The following FALEC variants were observed in gnomAD, a reference collection of about 807,000 sequenced individuals.
FALEC encodes the protein focally amplified lncRNA on chromosome 1.
chr1:150,528,370 A>G, the FALEC span, among the ~76,000 whole-genome samples: 1 of 152,054 alleles, frequency 6.6e-6, no homozygotes, highest in African/African-American at 2.4e-5. Context: ...CTTCTTGAGG[A>G]AACAGTCAAC....
chr1:150,532,478 G>A, the FALEC span, among the ~76,000 whole-genome samples: 1 of 152,196 alleles, frequency 6.6e-6, no homozygotes, highest in Non-Finnish European at 1.5e-5. Context: ...CTGGTTGGGA[G>A]GGAGTGGCTC....
chr1:150,521,544 A>G (rs1193544849), downstream of FALEC, among the ~76,000 whole-genome samples: 4 of 152,202 alleles, frequency 2.6e-5, no homozygotes, highest in South Asian at 2.1e-4. Flanking sequence ...TCCCTTGCCT[A>G]TCTTCTGAAA....
chr1:150,525,772 C>T, the FALEC span, among the ~76,000 whole-genome samples: 4 of 152,024 alleles, frequency 2.6e-5, no homozygotes, highest in African/African-American at 7.2e-5. Flanking sequence ...CTGCCTCAGG[C>T]TCCCGAGTAA....
exon 1 of FALEC, chr1:150,516,060 A>G (rs1361095801): frequency 6.6e-6 from 1 of 151,934 alleles, no homozygotes; most frequent in Non-Finnish European, 1.5e-5. Context: ...CCTGGCCAAG[A>G]AGGTGAAACC....
chr1:150,520,870 C>T (rs766020221), downstream of FALEC, among the ~76,000 whole-genome samples: 4 of 138,104 alleles, frequency 2.9e-5, no homozygotes, highest in Non-Finnish European at 4.5e-5. Flanking sequence ...CTTGGCTCAG[C>T]GCGATCTCAG....
chr1:150,524,324 C>A, the FALEC span, among the ~76,000 whole-genome samples: 2 of 151,502 alleles, frequency 1.3e-5, no homozygotes, highest in Non-Finnish European at 1.5e-5. Context: ...GGCCAAATTT[C>A]TTTAAATTTA....
downstream of FALEC, among the ~76,000 whole-genome samples, chr1:150,522,896 T>TATATAC (rs1553907928): frequency 1.1e-3 from 74 of 67,340 alleles, 3 homozygotes; most frequent in Middle Eastern, 5.6e-3. Flanking sequence ...TACGTATATA[T>TATATAC]ATATATACAT....
chr1:150,530,604 C>T, the FALEC span, among the ~76,000 whole-genome samples: 1 of 152,292 alleles, frequency 6.6e-6, no homozygotes, highest in South Asian at 2.1e-4. Flanking sequence ...AAGAAAGGCT[C>T]TTCCCACCAG....
At chr1:150,535,284 T>C in the FALEC span, among the ~76,000 whole-genome samples, 1 of 152,166 alleles carries the variant, frequency 6.6e-6, no homozygotes. Context: ...CACTCTGTTA[T>C]CCAGGCTGGA....
the FALEC span, among the ~76,000 whole-genome samples, chr1:150,533,605 T>G: frequency 6.6e-6 from 1 of 151,846 alleles, no homozygotes; most frequent in Non-Finnish European, 1.5e-5. Flanking sequence ...CCCGGCTAAT[T>G]TTTGTATTTT....
At chr1:150,520,476 T>A (rs1670624474), downstream of FALEC, among the ~76,000 whole-genome samples, 3 of 152,376 alleles carry the variant, frequency 2.0e-5, no homozygotes, top group Admixed American at 2.0e-4. Flanking sequence ...CTCATCCATG[T>A]TACAGCATGT....
chr1:150,523,439 G>A, the FALEC span, among the ~76,000 whole-genome samples: 2 of 151,502 alleles, frequency 1.3e-5, no homozygotes, highest in Non-Finnish European at 2.9e-5. Flanking sequence ...AAGATCACCT[G>A]AGGTCAGGAG....
chr1:150,521,778 A>G (rs1031528805), downstream of FALEC, among the ~76,000 whole-genome samples: 8 of 152,170 alleles, frequency 5.3e-5, no homozygotes, highest in African/African-American at 1.2e-4. Flanking sequence ...CCATTCTACT[A>G]TCTGTTCCTC....
chr1:150,531,234 C>T, the FALEC span, among the ~76,000 whole-genome samples: 1,467 of 152,316 alleles, frequency 9.6e-3, 19 homozygotes, highest in African/African-American at 0.033. Context: ...GTGGCTCATG[C>T]CTGTAATCCC....
At chr1:150,524,520 T>TG in the FALEC span, among the ~76,000 whole-genome samples, 1 of 152,176 alleles carries the variant, frequency 6.6e-6, no homozygotes, top group Non-Finnish European at 1.5e-5. Context: ...TGGGTGTATA[T>TG]GCAGAAAAGA....
At chr1:150,528,350 T>G in the FALEC span, among the ~76,000 whole-genome samples, 1 of 152,314 alleles carries the variant, frequency 6.6e-6, no homozygotes, top group Admixed American at 6.5e-5. Context: ...TGGAACTTTT[T>G]GCTTCTGGGC....
chr1:150,525,457 A>AAAACAAAC, the FALEC span, among the ~76,000 whole-genome samples: 6 of 151,900 alleles, frequency 3.9e-5, no homozygotes, highest in African/African-American at 1.5e-4. Flanking sequence ...CATGTCTTAA[A>AAAACAAAC]AAACAAACAA....
chr1:150,515,773 C>G (rs1037904666), exon 1 of FALEC: 1 of 152,460 alleles, frequency 6.6e-6, no homozygotes, highest in Non-Finnish European at 1.5e-5. Context: ...CTCCTACGGC[C>G]TCCAGGACAG....
chr1:150,522,630 A>AG (rs202098470), downstream of FALEC, among the ~76,000 whole-genome samples: 2 of 150,666 alleles, frequency 1.3e-5, no homozygotes, highest in South Asian at 2.1e-4. Context: ...CAAAAAAAAA[A>AG]AAAAAACAAG....
Sources: gnomAD v4.1 joint callset for allele counts (sites outside exome capture counted in the v4.1 genomes callset) on GRCh38, gnomAD v4.1.1 for gene constraint, MANE v1.5 for transcripts, NCBI Gene and HGNC (gene_info 2026-07-23, HGNC 2026-07-21) for gene names.